Variants in ZNF423 observed in about 807,000 individuals in gnomAD.
ZNF423 encodes Ebf-associated zinc finger protein.
In ZNF423, 12 loss-of-function variants were observed where a neutral mutation model predicts 95.8. The observed-to-expected ratio is 0.13, with a 90% CI of 0.08 to 0.20. The LOEUF (loss-of-function observed/expected upper bound fraction) is 0.20. Among genes scored for constraint, ZNF423 ranks in the 10% least tolerant of loss-of-function variants. The pLI, the probability that ZNF423 is intolerant of heterozygous loss-of-function variation, is 1.00. For synonymous variants in ZNF423, 749 were observed against 711.9 expected (o/e 1.05, Z -0.83); for missense variants, 1,316 against 1,737.1 (o/e 0.76, Z 4.31).
At position 49,636,098 on chromosome 16, in the gene ZNF423, C is replaced by T. The variant is rs1371823655; in HGVS notation, c.3078G>A (p.Thr1026=). ...QMHPDLRNSL[T]GFRCVVCMQT... Reference sequence around the variant, plus strand: ...GCATGCAGACCACACAGCGGAAGCCCGTGAGTGAGTTGCGCAGGTCAGGGT... The same window carrying T: ...GCATGCAGACCACACAGCGGAAGCCTGTGAGTGAGTTGCGCAGGTCAGGGT... Residue 1026 remains threonine, a synonymous_variant, in exon 4 of 8, where the codon ACG becomes ACA. Coordinates refer to ENST00000563137, the MANE Select transcript of ZNF423 (RefSeq NM_001379286.1). The surrounding 1 kb of genome is among the most constrained non-coding windows in gnomAD (Gnocchi z 8.6). The T allele has an allele frequency of 1.9e-6, 3 of 1,613,834 alleles. No individual in the cohort carries two copies. The highest frequency in any genetic ancestry group is 2.7e-5 in the African/African-American group (2 of 74,926).
chr16:49,795,599 G>C (rs2034485753), intron 1 of ZNF423, among the ~76,000 whole-genome samples: 1 of 152,334 alleles, frequency 6.6e-6, no homozygotes, highest in South Asian at 2.1e-4. Flanking sequence ...AAGGGCCCAA[G>C]GGCACCACAG....
chr16:49,515,626 C>T (rs890610938), intron 7 of ZNF423, among the ~76,000 whole-genome samples: 1 of 152,162 alleles, frequency 6.6e-6, no homozygotes, highest in African/African-American at 2.4e-5. Context: ...GAGCCTGGCC[C>T]GCAGCACAGA....
At chr16:49,801,123 C>G (rs1453823310) in intron 1 of ZNF423, among the ~76,000 whole-genome samples, 1 of 152,212 alleles carries the variant, frequency 6.6e-6, no homozygotes, top group Admixed American at 6.5e-5. Flanking sequence ...GCAGCTCTGT[C>G]AGAAGAGGAG....
chr16:49,503,507 G>A (rs1221785513), intron 7 of ZNF423, among the ~76,000 whole-genome samples: 2 of 151,972 alleles, frequency 1.3e-5, no homozygotes, highest in African/African-American at 4.8e-5. Context: ...CCTCCCAGCA[G>A]CACTCCCGCT....
At chr16:49,773,325 A>C (rs1211119944) in intron 2 of ZNF423, among the ~76,000 whole-genome samples, 6 of 152,104 alleles carry the variant, frequency 3.9e-5, no homozygotes, top group Non-Finnish European at 7.4e-5. Context: ...TCTCACAAAA[A>C]AAAAACAAAA....
At chr16:49,859,030 T>TC (rs1456753559), upstream of ZNF423, among the ~76,000 whole-genome samples, 1 of 152,024 alleles carries the variant, frequency 6.6e-6, no homozygotes, top group East Asian at 1.9e-4. Flanking sequence ...CCAGGCTTTC[T>TC]GGGGGGCTGG....
At chr16:49,582,701 G>A (rs1346846900) in intron 5 of ZNF423, among the ~76,000 whole-genome samples, 1 of 152,202 alleles carries the variant, frequency 6.6e-6, no homozygotes, top group Non-Finnish European at 1.5e-5. Context: ...AGAGGGGTTA[G>A]AGAAGGAAGA....
chr16:49,686,285 C>A (rs181812279), intron 3 of ZNF423, among the ~76,000 whole-genome samples: 2 of 152,136 alleles, frequency 1.3e-5, no homozygotes, highest in African/African-American at 4.8e-5. Flanking sequence ...GCTTGAGTCT[C>A]GGGTAGGCAG....
chr16:49,526,762 C>T (rs1378229600), intron 5 of ZNF423, among the ~76,000 whole-genome samples: 2 of 152,240 alleles, frequency 1.3e-5, no homozygotes, highest in African/African-American at 4.8e-5. Context: ...GTCTGAAACA[C>T]TCCATAACAG....
At chr16:49,826,875 T>C (rs1020799294) in intron 1 of ZNF423, 1 of 152,158 alleles carries the variant, frequency 6.6e-6, no homozygotes, top group Non-Finnish European at 1.5e-5. Flanking sequence ...TGACTAAGCA[T>C]TTCTCTCTGA....
intron 3 of ZNF423, among the ~76,000 whole-genome samples, chr16:49,729,659 A>T (rs938872426): frequency 4.1e-5 from 6 of 147,208 alleles, no homozygotes; most frequent in African/African-American, 1.5e-4. Context: ...TATTATTATT[A>T]TTATTATTAT....
chr16:49,822,601 T>C, intron 1 of ZNF423: 1 of 1,313,426 alleles, frequency 7.6e-7, no homozygotes, highest in Non-Finnish European at 1.1e-6. Context: ...AACTAAGCTC[T>C]AGTTCGAGCT....
intron 5 of ZNF423, among the ~76,000 whole-genome samples, chr16:49,588,533 C>A (rs1275349094): frequency 2.0e-5 from 3 of 152,202 alleles, no homozygotes; most frequent in African/African-American, 7.2e-5. Flanking sequence ...AAATTCCACC[C>A]AAGCTGGTCT....
At chr16:49,780,052 C>T (rs1372531088) in intron 2 of ZNF423, among the ~76,000 whole-genome samples, 1 of 152,228 alleles carries the variant, frequency 6.6e-6, no homozygotes, top group African/African-American at 2.4e-5. Flanking sequence ...TGGAAATCAG[C>T]AAGACAAGCC....
chr16:49,602,229 T>C (rs1971397691), intron 5 of ZNF423, among the ~76,000 whole-genome samples: 1 of 152,206 alleles, frequency 6.6e-6, no homozygotes, highest in Non-Finnish European at 1.5e-5. Flanking sequence ...CCTGACTTCT[T>C]CAGCACTCCC....
At chr16:49,784,212 C>T (rs2034272552) in intron 2 of ZNF423, among the ~76,000 whole-genome samples, 1 of 151,914 alleles carries the variant, frequency 6.6e-6, no homozygotes, top group Non-Finnish European at 1.5e-5. Flanking sequence ...CAAACACACC[C>T]AAAAGAAATA....
At chr16:49,662,096 G>A (rs7199056) in intron 3 of ZNF423, among the ~76,000 whole-genome samples, 350 of 152,220 alleles carry the variant, frequency 2.3e-3, no homozygotes, top group African/African-American at 8.1e-3. Context: ...CCGCCCTTGG[G>A]GAACTCCACC....
intron 5 of ZNF423, among the ~76,000 whole-genome samples, chr16:49,606,525 T>G (rs768787369): frequency 1.7e-4 from 26 of 152,266 alleles, no homozygotes; most frequent in Non-Finnish European, 3.7e-4. Flanking sequence ...GTAGCCCTGA[T>G]GGACTGGGGG....
chr16:49,511,299 G>A (rs985915689), intron 7 of ZNF423, among the ~76,000 whole-genome samples: 1 of 152,146 alleles, frequency 6.6e-6, no homozygotes, highest in Non-Finnish European at 1.5e-5. Context: ...CGCCTGCCTC[G>A]CTGGGAGGTG....
Sources: allele counts gnomAD v4.1 joint callset (sites outside exome capture counted in the v4.1 genomes callset), GRCh38; gene constraint gnomAD v4.1.1; non-coding constraint Gnocchi (gnomAD v3.1); transcripts MANE v1.5; gene names NCBI Gene and HGNC (gene_info 2026-07-23, HGNC 2026-07-21).